Variants in NEBL observed in about 807,000 individuals in gnomAD.
NEBL encodes the protein LIM and SH3 protein 2.
NEBL carries 122 observed loss-of-function variants against 140.2 expected under a neutral mutation model. That is an observed-to-expected ratio of 0.87 (90% CI 0.75 to 1.01). The LOEUF is 1.01. Among genes scored for constraint, NEBL ranks in the 50% least tolerant of loss-of-function variants. The pLI is 0.00. For missense variants in NEBL, 1,365 were observed against 1,231.3 expected (o/e 1.11, Z -1.62); for synonymous variants, 436 against 398.9 (o/e 1.09, Z -1.11).
chr10:21,067,030 T>C (rs1835587990), intron 2 of NEBL, among the ~76,000 whole-genome samples: 1 of 147,382 alleles, frequency 6.8e-6, no homozygotes, highest in South Asian at 2.2e-4. Context: ...TGTAGTGCAG[T>C]GGCGCGATCT....
chr10:21,203,856 G>A (rs374564830), intron 3 of NEBL, among the ~76,000 whole-genome samples: 2 of 152,272 alleles, frequency 1.3e-5, no homozygotes, highest in South Asian at 4.1e-4. Context: ...CTTGCAGCCC[G>A]TGTGCAGGCA....
chr10:20,883,300 G>A (rs530304356), intron 4 of NEBL, among the ~76,000 whole-genome samples: 11 of 152,174 alleles, frequency 7.2e-5, no homozygotes, highest in African/African-American at 2.6e-4. Context: ...CCAATCCTGT[G>A]GATTTGGTTG....
Position 21,180,037 on chromosome 10 carries a change from T to C in NEBL, n.349-7560A>G, listed in dbSNP as rs186406565. ...TTGTAATCCTAGATACTCAGGAAGC[T>C]GAGGAAGGAGAATTACTTGAACCTG... On this transcript the variant is annotated intron_variant and non_coding_transcript_variant, in intron 3 of 8. Transcript: ENST00000675702. Among the ~76,000 whole-genome samples, 5 of 151,768 alleles carry C rather than the reference T, an allele frequency of 3.3e-5. No homozygotes were observed. The East Asian group carries it at 7.7e-4, about 24-fold the overall frequency.
chr10:20,983,273 T>C (rs993204891), intron 3 of NEBL, among the ~76,000 whole-genome samples: 3 of 152,184 alleles, frequency 2.0e-5, no homozygotes, highest in Non-Finnish European at 4.4e-5. Flanking sequence ...CCATGAAAGA[T>C]AGAACAATTA....
At chr10:20,841,497 T>C (rs1252614530) in intron 12 of NEBL, 1 of 152,436 alleles carries the variant, frequency 6.6e-6, no homozygotes, top group Non-Finnish European at 1.5e-5. Flanking sequence ...CCTCAGAATA[T>C]TTCAAGGCCC....
chr10:20,983,118 T>C (rs2131668477), intron 3 of NEBL, among the ~76,000 whole-genome samples: 1 of 152,326 alleles, frequency 6.6e-6, no homozygotes, highest in South Asian at 2.1e-4. Flanking sequence ...GAGCTGGGCC[T>C]ATCCCATGGT....
At chr10:20,898,587 T>A (rs77464128), upstream of NEBL, among the ~76,000 whole-genome samples, 6,267 of 152,192 alleles carry the variant, frequency 0.041, 192 homozygotes, top group Middle Eastern at 0.085. Context: ...AAAAGCAGGT[T>A]TCTTAAACAA....
At chr10:21,188,336 C>G (rs1841511400) in intron 3 of NEBL, among the ~76,000 whole-genome samples, 2 of 152,188 alleles carry the variant, frequency 1.3e-5, no homozygotes, top group Non-Finnish European at 2.9e-5. Context: ...CGTGACCAGA[C>G]AGCTCATATG....
At chr10:21,105,115 T>A (rs768870233) in intron 2 of NEBL, among the ~76,000 whole-genome samples, 2 of 152,210 alleles carry the variant, frequency 1.3e-5, no homozygotes, top group Non-Finnish European at 2.9e-5. Flanking sequence ...TGTTGAATTT[T>A]ATTGGCTAAA....
intron 23 of NEBL, chr10:20,813,716 G>T: frequency 1.9e-6 from 1 of 539,620 alleles, no homozygotes; most frequent in Non-Finnish European, 3.4e-6. Flanking sequence ...AGTCACGTTA[G>T]AAATAAAGAC....
chr10:21,230,525 T>G (rs1179019729), intron 3 of NEBL, among the ~76,000 whole-genome samples: 1 of 152,156 alleles, frequency 6.6e-6, no homozygotes, highest in Non-Finnish European at 1.5e-5. Flanking sequence ...CAGAGCTTTT[T>G]CTATTCCCTT....
At position 21,143,275 on chromosome 10, in the gene NEBL, C is replaced by A. The variant is rs575812631; in HGVS notation, c.164+29108G>T. On this transcript the variant is annotated intron_variant, in intron 2 of 6. Coordinates refer to the NEBL transcript ENST00000417816. ...ATCAGCCTGGCCAACATGGCGAAAC[C>A]CTGTCTCTCCTAAAAATACAAAAAT... Among the ~76,000 whole-genome samples, 3 of 151,654 alleles carry A rather than the reference C, an allele frequency of 2.0e-5. No individual in the cohort carries two copies. In the South Asian group the frequency reaches 6.3e-4, roughly 32 times the overall value.
chr10:20,798,235 A>G (rs1313124056), intron 26 of NEBL, among the ~76,000 whole-genome samples: 1 of 152,192 alleles, frequency 6.6e-6, no homozygotes, highest in African/African-American at 2.4e-5. Context: ...GCCACAGATA[A>G]CGGGCAAGCA....
In NEBL at chr10:20,918,055, A is replaced by C. The variant is rs986278480; in HGVS notation, c.357+43617T>G. ...AATACAGTTTTTGGAGAAAACACACAGGAGTTAGAATCCAAGCTCCAGGCC... is the reference window on the plus strand; with the variant it reads ...AATACAGTTTTTGGAGAAAACACACCGGAGTTAGAATCCAAGCTCCAGGCC... On this transcript the variant is annotated intron_variant, in intron 4 of 6. Transcript: ENST00000417816. Among the ~76,000 whole-genome samples, 15 of 152,348 alleles carry C rather than the reference A, an allele frequency of 9.8e-5. No homozygotes were observed. The South Asian group carries it at 3.1e-3, about 32-fold the overall frequency.
rs756328675 is a variant in NEBL, at chr10:20,831,587, C to T, written c.1450-4G>A. 1 of 1,577,968 alleles carries T rather than the reference C, an allele frequency of 6.3e-7. No individual in the cohort carries two copies. Among genetic ancestry groups the T allele is most frequent in the Non-Finnish European group, 8.7e-7 (1 of 1,148,202 alleles). On this transcript the variant is annotated splice_polypyrimidine_tract_variant and splice_region_variant and intron_variant, in intron 14 of 27. Coordinates refer to ENST00000377122, the MANE Select transcript of NEBL (RefSeq NM_006393.3). ...CCAGATCTCTTTTATAGTCTTTCTGCAGAAAATGAAACATACAGTTAGTGC... is the reference window on the plus strand; with the variant it reads ...CCAGATCTCTTTTATAGTCTTTCTGTAGAAAATGAAACATACAGTTAGTGC...
At chr10:20,978,610 T>C (rs1836900637) in intron 3 of NEBL, among the ~76,000 whole-genome samples, 1 of 151,826 alleles carries the variant, frequency 6.6e-6, no homozygotes, top group Admixed American at 6.6e-5. Flanking sequence ...TTTAAAAAAA[T>C]TAGCCAGGAG....
intron 11 of NEBL, among the ~76,000 whole-genome samples, chr10:20,848,230 A>G (rs1842137289): frequency 6.6e-6 from 1 of 152,228 alleles, no homozygotes. Context: ...GAATGTATAA[A>G]ATACTTTATA....
At chr10:21,277,667 G>C (rs372440821) in intron 1 of NEBL, among the ~76,000 whole-genome samples, 1 of 152,136 alleles carries the variant, frequency 6.6e-6, no homozygotes, top group South Asian at 2.1e-4. Flanking sequence ...CTGTTACTGT[G>C]ACCAATTGTC....
chr10:21,032,441 T>C (rs1833838896), intron 2 of NEBL, among the ~76,000 whole-genome samples: 1 of 152,216 alleles, frequency 6.6e-6, no homozygotes, highest in South Asian at 2.1e-4. Flanking sequence ...GTAGTGTTGA[T>C]GCGATGTCTA....
Sources: allele counts gnomAD v4.1 joint callset (sites outside exome capture counted in the v4.1 genomes callset), GRCh38; gene constraint gnomAD v4.1.1; transcripts MANE v1.5; gene names NCBI Gene and HGNC (gene_info 2026-07-23, HGNC 2026-07-21).